The following NR2F1-AS1 variants were observed in gnomAD, a reference collection of about 807,000 sequenced individuals.
NR2F1-AS1 encodes NR2F1 antisense RNA 1.
In NR2F1-AS1 at chr5:93,423,684, G is replaced by C. The variant is rs185752539; in HGVS notation, n.639-28142C>G. On this transcript the variant is annotated intron_variant and non_coding_transcript_variant, in intron 4 of 5. Transcript: ENST00000660523. ...AACTTTAACACCGACGGCTTATGGA[G>C]TGTTTCAAATACAAAACAGTTCTAC... Among the ~76,000 whole-genome samples, 388 of 152,306 alleles carry C rather than the reference G, an allele frequency of 2.5e-3. 2 individuals carry two copies. The highest frequency in any genetic ancestry group is 4.6e-3 in the Non-Finnish European group (310 of 68,026).
intron 2 of NR2F1-AS1, chr5:93,563,278 T>C (rs1288845107): frequency 6.6e-6 from 1 of 152,244 alleles, no homozygotes; most frequent in Non-Finnish European, 1.5e-5. Context: ...ATATATGAAC[T>C]ACACAATGAC....
chr5:93,480,546 C>T (rs1404449385), intron 4 of NR2F1-AS1, among the ~76,000 whole-genome samples: 1 of 152,048 alleles, frequency 6.6e-6, no homozygotes, highest in African/African-American at 2.4e-5. Flanking sequence ...AACTTAAAGC[C>T]ATACAATGAA....
intron 4 of NR2F1-AS1, chr5:93,544,923 A>AG: frequency 6.6e-6 from 1 of 151,666 alleles, no homozygotes; most frequent in East Asian, 1.9e-4. Flanking sequence ...CATCTCAAAA[A>AG]AAAAAAAAAA....
At chr5:93,457,555 T>C (rs943115265) in intron 4 of NR2F1-AS1, among the ~76,000 whole-genome samples, 1 of 152,174 alleles carries the variant, frequency 6.6e-6, no homozygotes, top group African/African-American at 2.4e-5. Flanking sequence ...AGTAACAGTC[T>C]GATCTCTCTT....
chr5:93,526,614 C>T (rs981823861), intron 4 of NR2F1-AS1, among the ~76,000 whole-genome samples: 14 of 152,076 alleles, frequency 9.2e-5, no homozygotes, highest in African/African-American at 2.9e-4. Context: ...ACCAGCAAAC[C>T]GAATCCAGCA....
At chr5:93,525,809 G>A (rs1388120502) in intron 4 of NR2F1-AS1, among the ~76,000 whole-genome samples, 1 of 152,104 alleles carries the variant, frequency 6.6e-6, no homozygotes, top group Admixed American at 6.5e-5. Flanking sequence ...AGAAACCAAT[G>A]AGAACAAAGA....
upstream of NR2F1-AS1, chr5:93,583,699 T>C (rs1023338208): frequency 1.3e-5 from 2 of 152,116 alleles, no homozygotes; most frequent in African/African-American, 4.8e-5. Context: ...TTTTTTTAAC[T>C]AGCTCTGTGT....
chr5:93,541,167 C>T (rs1007887441), intron 4 of NR2F1-AS1, among the ~76,000 whole-genome samples: 5 of 152,144 alleles, frequency 3.3e-5, no homozygotes, highest in Admixed American at 1.3e-4. Flanking sequence ...ACCATTTGGT[C>T]TTTCACCACA....
At chr5:93,463,115 C>A (rs1750134699) in intron 4 of NR2F1-AS1, among the ~76,000 whole-genome samples, 1 of 152,190 alleles carries the variant, frequency 6.6e-6, no homozygotes, top group African/African-American at 2.4e-5. Flanking sequence ...CCATCACAGG[C>A]CCAGAGACCT....
chr5:93,513,371 C>T (rs2149891883), intron 4 of NR2F1-AS1, among the ~76,000 whole-genome samples: 1 of 152,230 alleles, frequency 6.6e-6, no homozygotes, highest in African/African-American at 2.4e-5. Context: ...CTTGTATGTT[C>T]ATCGCAGCAC....
At chr5:93,411,934 T>C (rs551644966) in intron 4 of NR2F1-AS1, among the ~76,000 whole-genome samples, 9 of 152,220 alleles carry the variant, frequency 5.9e-5, no homozygotes, top group African/African-American at 1.7e-4. Context: ...CAGTTGCAGA[T>C]AGAGAAGCGT....
intron 4 of NR2F1-AS1, among the ~76,000 whole-genome samples, chr5:93,448,756 A>G (rs1749769784): frequency 6.6e-6 from 1 of 152,160 alleles, no homozygotes; most frequent in South Asian, 2.1e-4. Flanking sequence ...CCTCTTACTC[A>G]GCCTTTTTGT....
chr5:93,470,957 A>G (rs1025957579), intron 4 of NR2F1-AS1, among the ~76,000 whole-genome samples: 1 of 151,888 alleles, frequency 6.6e-6, no homozygotes, highest in Non-Finnish European at 1.5e-5. Context: ...AACACATACA[A>G]AAATCAAGAT....
intron 4 of NR2F1-AS1, among the ~76,000 whole-genome samples, chr5:93,432,759 T>A (rs1032303655): frequency 2.0e-5 from 3 of 152,214 alleles, no homozygotes; most frequent in African/African-American, 4.8e-5. Context: ...TTTGTCAGCA[T>A]GTTTTCCTCC....
intron 4 of NR2F1-AS1, among the ~76,000 whole-genome samples, chr5:93,414,218 C>T (rs13163130): frequency 6.6e-6 from 1 of 152,188 alleles, no homozygotes; most frequent in Non-Finnish European, 1.5e-5. Context: ...TTGGACAAGT[C>T]TGTGGTGAAA....
chr5:93,534,096 A>G (rs1751789903), intron 4 of NR2F1-AS1, among the ~76,000 whole-genome samples: 1 of 152,214 alleles, frequency 6.6e-6, no homozygotes, highest in South Asian at 2.1e-4. Context: ...AAAATAACAT[A>G]GCCTTTAGAA....
intron 4 of NR2F1-AS1, among the ~76,000 whole-genome samples, chr5:93,442,730 A>G (rs756703744): frequency 4.6e-5 from 7 of 152,212 alleles, no homozygotes; most frequent in Non-Finnish European, 8.8e-5. Context: ...CTGAGAATGG[A>G]CAGACTGCCT....
At chr5:93,466,298 A>AT (rs1750230357) in intron 4 of NR2F1-AS1, among the ~76,000 whole-genome samples, 1 of 148,766 alleles carries the variant, frequency 6.7e-6, no homozygotes, top group African/African-American at 2.5e-5. Context: ...CACTGCCATA[A>AT]TTTTTTTAAT....
chr5:93,484,013 T>C (rs1750659397), intron 4 of NR2F1-AS1, among the ~76,000 whole-genome samples: 1 of 152,172 alleles, frequency 6.6e-6, no homozygotes, highest in African/African-American at 2.4e-5. Context: ...TGGAACCAAG[T>C]TGGAAAACAT....
Sources: allele counts gnomAD v4.1 joint callset (sites outside exome capture counted in the v4.1 genomes callset), GRCh38; gene constraint gnomAD v4.1.1; transcripts MANE v1.5; gene names NCBI Gene and HGNC (gene_info 2026-07-23, HGNC 2026-07-21).